Variants in SLC3A1 observed in about 807,000 individuals in gnomAD.
The protein encoded by SLC3A1 is amino acid transporter heavy chain SLC3A1.
Under a neutral mutation model 60.3 loss-of-function variants are expected in SLC3A1, and 78 were observed. The ratio of observed to expected loss-of-function variants is 1.29; its 90% CI spans 1.08 to 1.56. SLC3A1 has a LOEUF of 1.56. SLC3A1 is among the 40% of genes most tolerant of loss of function. The probability of loss-of-function intolerance (pLI) is 0.00; values close to 1 mark genes in which losing one functional copy is unlikely to be tolerated. For missense variants in SLC3A1, 1,172 were observed against 858.9 expected, an observed-to-expected ratio of 1.36 and a Z score of -4.56; for synonymous variants, 392 against 307.9, an observed-to-expected ratio of 1.27 and a Z score of -2.86.
intron 7 of SLC3A1, among the ~76,000 whole-genome samples, chr2:44,306,014 G>C (rs1344192257): frequency 6.6e-6 from 1 of 152,196 alleles, no homozygotes; most frequent in African/African-American, 2.4e-5. Context: ...GCAGAGGCAG[G>C]TTCCCAGCAT....
At chr2:44,279,566 G>A (rs1049210245) in intron 1 of SLC3A1, among the ~76,000 whole-genome samples, 3 of 151,674 alleles carry the variant, frequency 2.0e-5, no homozygotes, top group African/African-American at 2.4e-5. Flanking sequence ...GACCAACACC[G>A]CCCAAAAGAA....
Position 44,321,395 on chromosome 2 carries a change from G to A in SLC3A1, c.*756G>A, listed in dbSNP as rs1024993508. On this transcript the variant is annotated 3_prime_UTR_variant, in exon 10 of 10. Transcript: ENST00000260649. ...ATTTCTTAAGATCCTCGAAAACACTGGTGCTGTCAAGTCCAAGTTCCTCGT... is the reference window on the plus strand; with the variant it reads ...ATTTCTTAAGATCCTCGAAAACACTAGTGCTGTCAAGTCCAAGTTCCTCGT... 5 of 1,612,718 alleles carry A rather than the reference G, an allele frequency of 3.1e-6. No homozygotes were observed. The South Asian group carries it at 5.5e-5, about 18-fold the overall frequency.
chr2:44,305,508 A>G (rs1248339020), intron 7 of SLC3A1, among the ~76,000 whole-genome samples: 1 of 147,626 alleles, frequency 6.8e-6, no homozygotes. Context: ...GCTTACTGCA[A>G]CCTCCACCTC....
At chr2:44,291,169 C>G (rs573288497) in intron 4 of SLC3A1, among the ~76,000 whole-genome samples, 9 of 152,276 alleles carry the variant, frequency 5.9e-5, no homozygotes, top group East Asian at 3.9e-4. Context: ...GTGTTTCCCT[C>G]TCCATGCTTC....
chr2:44,320,199 G>A lies in SLC3A1; in HGVS notation c.1618G>A (p.Val540Ile). ...CGTAAATACTTTTTTAAAAAAATAG[G>A]TCCAAAAGACTCAGCCCAGATCGGC... ...NSDYHTVNVDVQKTQPRSALK... is the reference protein window; with the variant it reads ...NSDYHTVNVDIQKTQPRSALK... The change falls in exon 10 of 10, where the codon GTC (valine) becomes ATC (isoleucine). Residue 540 changes from valine to isoleucine, a missense_variant and splice_region_variant. By Grantham distance (29) the Val-to-Ile change is conservative. Transcript: ENST00000260649. The A allele has an allele frequency of 6.2e-7, 1 of 1,611,406 alleles. No individual in the cohort carries two copies. The highest frequency in any genetic ancestry group is 8.5e-7 in the Non-Finnish European group (1 of 1,178,118).
chr2:44,312,653 T>C lies in SLC3A1; in HGVS notation c.1400T>C (p.Met467Thr), dbSNP rs121912691. The C allele has an allele frequency of 3.2e-3, 5,102 of 1,613,910 alleles. 12 individuals are homozygous for C. Among genetic ancestry groups the C allele is most frequent in the Non-Finnish European group, 3.8e-3 (4,476 of 1,179,784 alleles). The change falls in exon 8 of 10, where the codon ATG (methionine) becomes ACG (threonine). Residue 467 changes from methionine to threonine, a missense_variant. Physicochemically the swap from Met to Thr is moderately conservative, Grantham distance 81 (BLOSUM62 -1). Coordinates refer to ENST00000260649, the MANE Select transcript of SLC3A1 (RefSeq NM_000341.4). ...LGNQYVNVMN[M>T]LLFTLPGTPI... is the part of the protein sequence containing the mutation. ...AATCAGTATGTCAACGTGATGAACA[T>C]GCTTCTTTTCACACTCCCTGGAACT...
chr2:44,317,514 T>G (rs895645589), intron 9 of SLC3A1: 4 of 152,006 alleles, frequency 2.6e-5, no homozygotes, highest in African/African-American at 9.7e-5. Flanking sequence ...AAGTGCTCAT[T>G]AGCTGCCATA....
chr2:44,293,786 C>T (rs750019948), intron 4 of SLC3A1, among the ~76,000 whole-genome samples: 3 of 152,132 alleles, frequency 2.0e-5, no homozygotes, highest in Admixed American at 6.5e-5. Context: ...GTCAGGGCGC[C>T]GTACAGTTGC....
At chr2:44,297,479 T>A (rs1671883185) in intron 4 of SLC3A1, among the ~76,000 whole-genome samples, 1 of 152,194 alleles carries the variant, frequency 6.6e-6, no homozygotes, top group South Asian at 2.1e-4. Flanking sequence ...AAGCTCTAGC[T>A]CTTCCTTCTC....
At chr2:44,289,209 CT>C (rs938256807) in intron 4 of SLC3A1, among the ~76,000 whole-genome samples, 4 of 143,070 alleles carry the variant, frequency 2.8e-5, no homozygotes, top group East Asian at 2.1e-4. Context: ...TTTTCTTTTT[CT>C]TTTTTTCTTT....
At chr2:44,285,235 TGTTGCCATGGACATGTG>T (rs1258205923) in intron 3 of SLC3A1, 2 of 157,742 alleles carry the variant, frequency 1.3e-5, no homozygotes, top group Non-Finnish European at 2.8e-5. Flanking sequence ...CATCTGCCTG[TGTTGCCATGGACATGTG>T]GACTCAGTGT....
intron 1 of SLC3A1, among the ~76,000 whole-genome samples, chr2:44,276,893 A>G (rs1246208246): frequency 1.3e-5 from 2 of 152,200 alleles, no homozygotes; most frequent in Non-Finnish European, 2.9e-5. Context: ...CTTCAAGGCA[A>G]CAATAGGAAA....
At chr2:44,284,771 G>GCC (rs1671577448) in intron 3 of SLC3A1, among the ~76,000 whole-genome samples, 1 of 151,958 alleles carries the variant, frequency 6.6e-6, no homozygotes, top group South Asian at 2.1e-4. Flanking sequence ...TCACTATGTT[G>GCC]CCCAAGCTGG....
intron 6 of SLC3A1, among the ~76,000 whole-genome samples, chr2:44,302,259 G>A (rs972776208): frequency 6.6e-6 from 1 of 152,126 alleles, no homozygotes; most frequent in Non-Finnish European, 1.5e-5. Flanking sequence ...AGTCTCAGTT[G>A]TCTCATCAAT....
rs1043035449 is a variant in SLC3A1, at chr2:44,292,042, G to C, written c.891+5885G>C. ...TTTCCCAATCACTTTGGTTTTTACT[G>C]GTCCTCCACATTTCTTATTTGACAA... On this transcript the variant is annotated intron_variant, in intron 4 of 9. Coordinates refer to ENST00000260649, the MANE Select transcript of SLC3A1 (RefSeq NM_000341.4). Among the ~76,000 whole-genome samples, 35 of 152,152 alleles carry C rather than the reference G, an allele frequency of 2.3e-4. 1 individual carries two copies. Among genetic ancestry groups the C allele is most frequent in the Admixed American group, 3.3e-4 (5 of 15,282 alleles).
Position 44,276,019 on chromosome 2 carries a change from T to C in SLC3A1, c.430+54T>C, listed in dbSNP as rs948413871. On this transcript the variant is annotated intron_variant, in intron 1 of 9. Transcript: ENST00000260649. ...GTGCCAGGATGAGATTGGTTTATGG[T>C]TCTTTTGTTCTTCAGAACCAAATTA... 3.5e-5 allele frequency: 54 copies of C among 1,545,606 alleles called. 1 individual carries two copies. Among genetic ancestry groups the C allele is most frequent in the Non-Finnish European group, 4.6e-5 (52 of 1,118,356 alleles).
chr2:44,305,625 A>G (rs1438317738), intron 7 of SLC3A1, among the ~76,000 whole-genome samples: 1 of 151,582 alleles, frequency 6.6e-6, no homozygotes, highest in Admixed American at 6.6e-5. Context: ...ACGGGGTTTT[A>G]CCATGTTTGT....
At chr2:44,288,923 C>A (rs560647085) in intron 4 of SLC3A1, among the ~76,000 whole-genome samples, 14 of 151,990 alleles carry the variant, frequency 9.2e-5, no homozygotes, top group Non-Finnish European at 1.8e-4. Flanking sequence ...CAACCCCAGT[C>A]TCCCAGGCTC....
In SLC3A1 at chr2:44,320,333, A is replaced by G. The variant is rs955430305; in HGVS notation, c.1752A>G (p.Arg584=). The change falls in exon 10 of 10, where the codon AGA becomes AGG. Residue 584 remains arginine (R), a synonymous_variant. Transcript: ENST00000260649. ...ACAGCCACTATGTTGTGTACACAAG[A>G]GAGCTGGATGGCATCGACAGAATCT... ...RNDSHYVVYT[R]ELDGIDRIFI... The G allele has an allele frequency of 1.2e-6, 2 of 1,614,078 alleles. No individual in the cohort carries two copies. Among genetic ancestry groups the G allele is most frequent in the African/African-American group, 2.7e-5 (2 of 74,948 alleles).
Sources: gnomAD v4.1 joint callset for allele counts (sites outside exome capture counted in the v4.1 genomes callset) on GRCh38, gnomAD v4.1.1 for gene constraint, MANE v1.5 for transcripts, NCBI Gene and HGNC (gene_info 2026-07-23, HGNC 2026-07-21) for gene names.